Variants in ZNF397 observed in about 807,000 individuals in gnomAD.
ZNF397 encodes zinc finger protein 397.
A neutral mutation model predicts 50.6 loss-of-function variants in ZNF397; 38 were observed. The observed-to-expected ratio is 0.75, with a 90% CI of 0.58 to 0.98. ZNF397 has a LOEUF of 0.98. Among genes scored for constraint, ZNF397 ranks in the 50% least tolerant of loss-of-function variants. The pLI, the probability that ZNF397 is intolerant of heterozygous loss-of-function variation, is 0.00. For synonymous variants in ZNF397, 228 were observed against 215.2 expected, an observed-to-expected ratio of 1.06 and a Z score of -0.52; for missense variants, 624 against 624.1, an observed-to-expected ratio of 1.00 and a Z score of 0.00.
downstream of ZNF397, chr18:35,253,634 A>G (rs201995454): frequency 4.5e-5 from 73 of 1,613,974 alleles, no homozygotes; most frequent in Non-Finnish European, 2.5e-6. Context: ...TCCAGTGTGA[A>G]TTCTTTGATG....
At chr18:35,241,159 G>C (rs1274878006) in intron 1 of ZNF397, 50 bp downstream of exon 1, 1 of 152,172 alleles carries the variant, frequency 6.6e-6, no homozygotes, top group African/African-American at 2.4e-5. Context: ...GGGAGCGCGC[G>C]CCGGACAGTG....
In ZNF397 at chr18:35,242,521, G is replaced by A. The variant is rs144116327; in HGVS notation, c.51G>A (p.Pro17=). 28 of 1,614,020 alleles carry A rather than the reference G, an allele frequency of 1.7e-5. No individual in the cohort carries two copies. The highest frequency in any genetic ancestry group is 2.2e-5 in the South Asian group (2 of 91,082). ...CAACCCTGATACCTCAGGATCCTCC[G>A]GAACAAGAACTAATACTAGTGAAAG... is the stretch of plus-strand genomic sequence containing the variant. ...VISTLIPQDP[P]EQELILVKVE... is the part of the protein sequence containing the mutation. The change falls in exon 2 of 4, where the codon CCG becomes CCA. Residue 17 remains proline, a synonymous_variant. Coordinates refer to ENST00000330501, the MANE Select transcript of ZNF397 (RefSeq NM_001135178.3).
chr18:35,245,630 G>A lies in ZNF397; in HGVS notation c.925G>A (p.Gly309Arg). 1 of 1,554,598 alleles carries A rather than the reference G, an allele frequency of 6.4e-7. No individual in the cohort carries two copies. Among genetic ancestry groups the A allele is most frequent in the Non-Finnish European group, 8.7e-7 (1 of 1,148,572 alleles). The change falls in exon 4 of 4, where the codon GGA becomes AGA. Residue 309 changes from glycine to arginine, a missense_variant. Coordinates refer to ENST00000330501, the MANE Select transcript of ZNF397 (RefSeq NM_001135178.3). The part of the protein sequence containing the change: ...SLTQHQRIHT[G>R]EKPYKCNQCG... ...AACACAACATCAGAGAATCCATACT[G>A]GAGAAAAGCCCTATAAATGTAACCA... is the stretch of plus-strand genomic sequence containing the variant.
intron 5 of ZNF397, chr18:35,256,263 G>A (rs1364628136): frequency 6.6e-6 from 1 of 152,148 alleles, no homozygotes; most frequent in Non-Finnish European, 1.5e-5. Flanking sequence ...GACAAATAGA[G>A]ATTACAAGTA....
chr18:35,254,714 TAGG>T (rs2043733363), downstream of ZNF397: 11 of 370,344 alleles, frequency 3.0e-5, no homozygotes, highest in South Asian at 3.0e-4. Flanking sequence ...GATACGTTTT[TAGG>T]TAATGAGATA....
In ZNF397 at chr18:35,246,932, G is replaced by T. The variant is rs2043492586; in HGVS notation, c.*622G>T. On this transcript the variant is annotated 3_prime_UTR_variant, in exon 4 of 4. Transcript: ENST00000330501. ...AGACTGTAGTCTCTACAGTCTAATG[G>T]GCAAGGCAGCCAGACAGGCAGTGAA... 3 of 915,178 alleles carry T rather than the reference G, an allele frequency of 3.3e-6. No individual in the cohort carries two copies. Among genetic ancestry groups the T allele is most frequent in the Non-Finnish European group, 3.9e-6 (3 of 765,868 alleles). The allele number at this position is 915,178 out of a possible 1,614,324, so 56.7% of individuals were successfully genotyped here.
downstream of ZNF397, chr18:35,254,108 T>C (rs976383844): frequency 1.2e-6 from 2 of 1,608,548 alleles, no homozygotes; most frequent in Non-Finnish European, 8.5e-7. Flanking sequence ...TTCACTCTCA[T>C]GAGATTCAAG....
rs971857825 is a variant in ZNF397, at chr18:35,256,716, G to A, written c.818-1212G>A. On this transcript the variant is annotated intron_variant, in intron 5 of 5. Coordinates refer to the ZNF397 transcript ENST00000261333. ...CAGATTTATAAGAGGCTCTTTGGAG[G>A]AGAAATAAGGCACAGGTATCTCTGT... Among the ~76,000 whole-genome samples the A allele has an allele frequency of 3.3e-5, 5 of 152,272 alleles. No individual in the cohort carries two copies. In the East Asian group the frequency reaches 9.7e-4, roughly 29 times the overall value.
chr18:35,258,298 GGAGAGATA>G (rs2043909572), exon 6 of ZNF397: 1 of 314,572 alleles, frequency 3.2e-6, no homozygotes, highest in African/African-American at 2.1e-5. Context: ...CAAGGACATT[GGAGAGATA>G]GAGTCACTAT....
At chr18:35,244,598 C>T (rs1394351572) in intron 3 of ZNF397, among the ~76,000 whole-genome samples, 1 of 152,072 alleles carries the variant, frequency 6.6e-6, no homozygotes, top group Non-Finnish European at 1.5e-5. Flanking sequence ...GGAACAGCCA[C>T]AGAAATCAGG....
chr18:35,258,075 T>TA (rs1289904960), exon 6 of ZNF397: 28 of 757,306 alleles, frequency 3.7e-5, no homozygotes, highest in Admixed American at 1.2e-4. Flanking sequence ...TGGTGACTCT[T>TA]ACAATCATAT....
rs2043462827 is a variant in ZNF397, at chr18:35,245,546, G to A, written c.841G>A (p.Glu281Lys). Residue 281 changes from glutamate (E) to lysine (K), a missense_variant, in exon 4 of 4, where the codon GAA (glutamate) becomes AAA (lysine). Physicochemically the swap from Glu to Lys is moderately conservative, Grantham distance 56. Coordinates refer to ENST00000330501, the MANE Select transcript of ZNF397 (RefSeq NM_001135178.3). ...TATAATGTGTCAGAAAGTTCCTCCA[G>A]AAGAGAGACCTTATAGATGTGATGT... ...DSIMCQKVPP[E>K]ERPYRCDVCG... is the part of the protein sequence containing the mutation. The A allele has an allele frequency of 6.4e-7, 1 of 1,552,354 alleles. No homozygotes were observed. The highest frequency in any genetic ancestry group is 8.7e-7 in the Non-Finnish European group (1 of 1,147,228).
At chr18:35,244,357 G>C (rs998362679) in intron 3 of ZNF397, among the ~76,000 whole-genome samples, 2 of 152,176 alleles carry the variant, frequency 1.3e-5, no homozygotes, top group African/African-American at 4.8e-5. Flanking sequence ...GGTACATTTG[G>C]TGCTTGTGAA....
chr18:35,246,148 T>C lies in ZNF397; in HGVS notation c.1443T>C (p.Tyr481=), dbSNP rs780799584. ...GAATTCATAGTGGGGAGGAACCTTA[T>C]CAGTGTAATGAATGTGGCAAAACTT... ...HQRIHSGEEP[Y]QCNECGKTFK... is the part of the protein sequence containing the mutation. The change falls in exon 4 of 4, where the codon TAT becomes TAC. Residue 481 remains tyrosine (Y), a synonymous_variant. Coordinates refer to ENST00000330501, the MANE Select transcript of ZNF397 (RefSeq NM_001135178.3). 9.7e-6 allele frequency: 15 copies of C among 1,551,260 alleles called. No homozygotes were observed. The highest frequency in any genetic ancestry group is 7.1e-5 in the South Asian group (6 of 84,008).
rs2043526024 is a variant in ZNF397, at chr18:35,249,016, TTC to T, written c.*2707_*2708del. ...ACCCACAACCTGACTGTGGAGCCACTTCAGTATACTCTCTCCCCATAAGAAAG... is the reference window on the plus strand; with the variant it reads ...ACCCACAACCTGACTGTGGAGCCACTAGTATACTCTCTCCCCATAAGAAAG... On this transcript the variant is annotated 3_prime_UTR_variant, in exon 4 of 4. Transcript: ENST00000330501. 1 of 152,092 alleles carries T rather than the reference TTC, an allele frequency of 6.6e-6. No individual in the cohort carries two copies. Among genetic ancestry groups the T allele is most frequent in the Admixed American group, 6.6e-5 (1 of 15,258 alleles). The allele number at this position is 152,092 out of a possible 1,614,324, so 9.4% of individuals were successfully genotyped here. A position where few individuals can be genotyped will look rare whatever the true frequency, so the allele number is the denominator to read the frequency against.
At chr18:35,255,615 A>G (rs977793036) in intron 5 of ZNF397, among the ~76,000 whole-genome samples, 1 of 152,184 alleles carries the variant, frequency 6.6e-6, no homozygotes, top group Non-Finnish European at 1.5e-5. Context: ...TGGCTTTGGA[A>G]AAGCATTATG....
rs1265070570 is a variant in ZNF397, at chr18:35,246,841, A to G, written c.*531A>G. 2.0e-6 allele frequency: 2 copies of G among 985,660 alleles called. No homozygotes were observed. Among genetic ancestry groups the G allele is most frequent in the African/African-American group, 1.7e-5 (1 of 57,226 alleles). The allele number at this position is 985,660 out of a possible 1,614,324, so 61.1% of individuals were successfully genotyped here. ...GATAGGCATGAGAAGAAAGAATATA[A>G]TTTACCCAAAGGTTATTTTTTGAGT... On this transcript the variant is annotated 3_prime_UTR_variant, in exon 4 of 4. Coordinates refer to ENST00000330501, the MANE Select transcript of ZNF397 (RefSeq NM_001135178.3).
chr18:35,253,846 T>C, downstream of ZNF397: 1 of 1,614,220 alleles, frequency 6.2e-7, no homozygotes, highest in East Asian at 2.2e-5. Flanking sequence ...TGAAGGCTTT[T>C]CCACATTCAC....
At chr18:35,254,427 C>G (rs200704794), downstream of ZNF397, 27 of 1,613,226 alleles carry the variant, frequency 1.7e-5, no homozygotes, top group Non-Finnish European at 2.1e-5. Flanking sequence ...CTTCCCATGA[C>G]AGAAGAAACT....
Sources: allele counts gnomAD v4.1 joint callset (sites outside exome capture counted in the v4.1 genomes callset), GRCh38; gene constraint gnomAD v4.1.1; transcripts MANE v1.5; gene names NCBI Gene and HGNC (gene_info 2026-07-23, HGNC 2026-07-21).